Variants in IL1F10 observed in about 807,000 individuals in gnomAD.
The protein encoded by IL1F10 is interleukin 1 family member 10.
IL1F10 carries 13 observed loss-of-function variants against 13.1 expected under a neutral mutation model. The ratio of observed to expected loss-of-function variants is 0.99; its 90% confidence interval spans 0.64 to 1.57. The LOEUF is 1.57. Ranked by LOEUF, IL1F10 falls within the 40% of genes most tolerant of loss-of-function variation. IL1F10 has a pLI of 0.00. For missense variants in IL1F10, 191 were observed against 184.1 expected (o/e 1.04, Z -0.22); for synonymous variants, 78 against 68.2 (o/e 1.14, Z -0.71).
chr2:113,075,638 A>G lies in IL1F10; in HGVS notation c.*274A>G. Reference sequence around the variant, plus strand: ...AGTCAGAGAGAGAATGGAAGATACCATGCTTCTAATTTTGAAGATGGAGTG... The same window carrying G: ...AGTCAGAGAGAGAATGGAAGATACCGTGCTTCTAATTTTGAAGATGGAGTG... On this transcript the variant is annotated 3_prime_UTR_variant, in exon 5 of 5. Transcript: ENST00000341010. 4.1e-6 allele frequency: 1 copy of G among 246,850 alleles called. No homozygotes were observed. Among genetic ancestry groups the G allele is most frequent in the Non-Finnish European group, 7.7e-6 (1 of 130,036 alleles). The allele number at this position is 246,850 out of a possible 1,614,324, so 15.3% of individuals were successfully genotyped here.
In IL1F10 at chr2:113,074,405, T is replaced by A; in HGVS notation, c.109T>A (p.Cys37Ser). Residue 37 changes from cysteine to serine, a missense_variant, in exon 3 of 5, where the codon TGC becomes AGC. Physicochemically the swap from Cys to Ser is moderately radical, Grantham distance 112 (BLOSUM62 -1). Coordinates refer to ENST00000341010, the MANE Select transcript of IL1F10 (RefSeq NM_173161.3). ...LLVGDPVADNCCAEKICILPN... is the reference protein window; with the variant it reads ...LLVGDPVADNSCAEKICILPN... Reference sequence around the variant, plus strand: ...GGTGGGAGATCCTGTTGCAGACAACTGCTGTGCAGGTGAGCTTCTGGGGCC... The same window carrying A: ...GGTGGGAGATCCTGTTGCAGACAACAGCTGTGCAGGTGAGCTTCTGGGGCC... The A allele has an allele frequency of 1.9e-6, 3 of 1,613,224 alleles. No homozygotes were observed. Among genetic ancestry groups the A allele is most frequent in the Middle Eastern group, 1.7e-4 (1 of 5,972 alleles).
chr2:113,068,905 C>T (rs960527764), intron 1 of IL1F10, among the ~76,000 whole-genome samples: 3 of 152,108 alleles, frequency 2.0e-5, no homozygotes, highest in African/African-American at 4.8e-5. Flanking sequence ...TAGAAAGAAC[C>T]TTCATAACCA....
intron 1 of IL1F10, among the ~76,000 whole-genome samples, chr2:113,069,125 G>A (rs1179859464): frequency 4.6e-5 from 7 of 152,198 alleles, no homozygotes; most frequent in Non-Finnish European, 8.8e-5. Flanking sequence ...TTGAGGCAGG[G>A]AGAACAATGG....
intron 1 of IL1F10, 71 bp from the exon 2 acceptor site, chr2:113,072,639 TA>T: frequency 1.9e-6 from 2 of 1,060,014 alleles, no homozygotes; most frequent in Non-Finnish European, 1.4e-6. Context: ...TGAGTGGTTC[TA>T]AGCCCCAGCA....
intron 1 of IL1F10, among the ~76,000 whole-genome samples, chr2:113,072,083 G>A (rs182075419): frequency 3.9e-5 from 6 of 152,298 alleles, no homozygotes; most frequent in Admixed American, 3.3e-4. Context: ...TCTTCACTGT[G>A]CCATTTTCCA....
chr2:113,069,980 T>A (rs1356778109), intron 1 of IL1F10, among the ~76,000 whole-genome samples: 1 of 152,194 alleles, frequency 6.6e-6, no homozygotes, highest in East Asian at 1.9e-4. Flanking sequence ...AGGAGAATGA[T>A]GAAGGATAGG....
chr2:113,072,750 C>T lies in IL1F10; in HGVS notation c.12C>T (p.Leu4=). Residue 4 remains leucine (L), a synonymous_variant, in exon 2 of 5, where the codon CTC becomes CTT. Coordinates refer to ENST00000341010, the MANE Select transcript of IL1F10 (RefSeq NM_173161.3). The part of the protein sequence containing the change: MCS[L]PMARYYIIKY... ...CACTGATTGCAGGAATGTGTTCCCT[C>T]CCCATGGCAAGATACTACATGTAAG... The T allele has an allele frequency of 1.2e-6, 2 of 1,613,378 alleles. No homozygotes were observed. The highest frequency in any genetic ancestry group is 1.7e-6 in the Non-Finnish European group (2 of 1,179,608).
At chr2:113,072,990 G>A (rs1289202321) in intron 2 of IL1F10, among the ~76,000 whole-genome samples, 2 of 152,232 alleles carry the variant, frequency 1.3e-5, no homozygotes, top group Non-Finnish European at 2.9e-5. Flanking sequence ...AAGTCTGTAA[G>A]TGGAGTGTTA....
At chr2:113,068,981 G>C (rs1685789345) in intron 1 of IL1F10, among the ~76,000 whole-genome samples, 1 of 152,164 alleles carries the variant, frequency 6.6e-6, no homozygotes, top group Non-Finnish European at 1.5e-5. Flanking sequence ...ACATAACCCT[G>C]TATGTCTAAG....
chr2:113,070,374 A>G (rs2105076303), intron 1 of IL1F10, among the ~76,000 whole-genome samples: 1 of 152,328 alleles, frequency 6.6e-6, no homozygotes, highest in East Asian at 1.9e-4. Context: ...TGGCTGTGCC[A>G]GAATGGGAGG....
intron 1 of IL1F10, among the ~76,000 whole-genome samples, chr2:113,072,059 A>G (rs1054235952): frequency 2.0e-5 from 3 of 152,172 alleles, no homozygotes; most frequent in African/African-American, 7.2e-5. Context: ...CCTGGCATTT[A>G]TACAGGGCCA....
At chr2:113,074,040 C>A (rs1489360455) in intron 2 of IL1F10, among the ~76,000 whole-genome samples, 1 of 152,140 alleles carries the variant, frequency 6.6e-6, no homozygotes, top group African/African-American at 2.4e-5. Context: ...TTTCTTTACC[C>A]CTCTGTCAGA....
At position 113,075,365 on chromosome 2, in the gene IL1F10, G is replaced by T; in HGVS notation, c.*1G>T. The T allele has an allele frequency of 6.4e-7, 1 of 1,553,758 alleles. No homozygotes were observed. Among genetic ancestry groups the T allele is most frequent in the South Asian group, 1.2e-5 (1 of 83,576 alleles). On this transcript the variant is annotated 3_prime_UTR_variant, in exon 5 of 5. Transcript: ENST00000341010. ...GTTTTACTTTGAACAGAGCTGGTAG[G>T]GAGACAGGAAACTGCGTTTTAGCCT...
intron 1 of IL1F10, 63 bp from the exon 2 acceptor site, chr2:113,072,648 G>GC (rs1685859305): frequency 2.6e-6 from 3 of 1,146,172 alleles, no homozygotes; most frequent in Non-Finnish European, 3.9e-6. Context: ...CTAAGCCCCA[G>GC]CACGTCTGCC....
At chr2:113,069,846 A>G (rs1286811593) in intron 1 of IL1F10, among the ~76,000 whole-genome samples, 1 of 152,256 alleles carries the variant, frequency 6.6e-6, no homozygotes, top group Non-Finnish European at 1.5e-5. Flanking sequence ...GAAGGGAGTC[A>G]TTCAATGTCA....
intron 1 of IL1F10, among the ~76,000 whole-genome samples, chr2:113,071,246 C>T (rs1685829689): frequency 6.6e-6 from 1 of 152,172 alleles, no homozygotes; most frequent in Non-Finnish European, 1.5e-5. Context: ...TGTCCTAAAA[C>T]AAGCTTCTAT....
In IL1F10 at chr2:113,074,812, T is replaced by C. The variant is rs1337537585; in HGVS notation, c.208T>C (p.Cys70Arg). 6 of 1,613,170 alleles carry C rather than the reference T, an allele frequency of 3.7e-6. No homozygotes were observed. Among genetic ancestry groups the C allele is most frequent in the Non-Finnish European group, 4.2e-6 (5 of 1,179,996 alleles). ...CCAGGGAGGGAGCCGCTGCCTGGCA[T>C]GTGTGGAGACAGAAGAGGGGCCTTC... ...GIQGGSRCLA[C>R]VETEEGPSLQ... The change falls in exon 4 of 5, where the codon TGT becomes CGT. Residue 70 changes from cysteine (C) to arginine (R), a missense_variant. By Grantham distance (180) the Cys-to-Arg change is radical. Coordinates refer to ENST00000341010, the MANE Select transcript of IL1F10 (RefSeq NM_173161.3).
At chr2:113,071,514 C>T (rs889369102) in intron 1 of IL1F10, among the ~76,000 whole-genome samples, 4 of 152,230 alleles carry the variant, frequency 2.6e-5, no homozygotes, top group African/African-American at 9.6e-5. Flanking sequence ...CCAGAATTTG[C>T]ACTTGTTAGT....
At position 113,075,770 on chromosome 2, in the gene IL1F10, T is replaced by C. The variant is rs28928305; in HGVS notation, c.*406T>C. On this transcript the variant is annotated 3_prime_UTR_variant, in exon 5 of 5. Transcript: ENST00000341010. ...AGGAACACAGCTCTTGACACATGGA[T>C]TTCAGCTCAGTGACACCCATTTCAG... 0.017 allele frequency: 2,602 copies of C among 155,042 alleles called. 83 individuals carry two copies. Among genetic ancestry groups the C allele is most frequent in the African/African-American group, 0.059 (2,442 of 41,674 alleles). The allele number at this position is 155,042 out of a possible 1,614,324, so 9.6% of individuals were successfully genotyped here. A position where few individuals can be genotyped will look rare whatever the true frequency, so the allele number is the denominator to read the frequency against.
Sources: gnomAD v4.1 joint callset for allele counts (sites outside exome capture counted in the v4.1 genomes callset) on GRCh38, gnomAD v4.1.1 for gene constraint, MANE v1.5 for transcripts, NCBI Gene and HGNC (gene_info 2026-07-23, HGNC 2026-07-21) for gene names.